GNL2: variants seen among roughly 807,000 people sequenced by gnomAD.
GNL2 encodes the protein nucleolar GTP-binding protein 2.
A neutral mutation model predicts 92.3 loss-of-function variants in GNL2; 51 were observed. The ratio of observed to expected loss-of-function variants is 0.55; its 90% CI spans 0.44 to 0.70. GNL2 has a LOEUF of 0.70. GNL2 is among the 30% of genes least tolerant of loss of function. GNL2 has a pLI of 0.00. For synonymous variants in GNL2, 283 were observed against 300.6 expected, an observed-to-expected ratio of 0.94 and a Z score of 0.61; for missense variants, 844 against 895.6, an observed-to-expected ratio of 0.94 and a Z score of 0.74.
chr1:37,587,264 C>T, intron 5 of GNL2, 47 bp downstream of exon 5: 4 of 1,223,298 alleles, frequency 3.3e-6, no homozygotes, highest in Non-Finnish European at 2.3e-6. Flanking sequence ...AAGACTCCAT[C>T]TCAAAAAAAA....
intron 1 of GNL2, among the ~76,000 whole-genome samples, chr1:37,595,433 C>T (rs1377048455): frequency 6.6e-6 from 1 of 152,204 alleles, no homozygotes; most frequent in Non-Finnish European, 1.5e-5. Context: ...GGTCAACCTA[C>T]ACCATTTTTA....
intron 8 of GNL2, chr1:37,581,602 A>C: frequency 2.2e-6 from 1 of 446,232 alleles, no homozygotes; most frequent in South Asian, 1.6e-5. Context: ...CTGAGCAAGA[A>C]AACACTTCAG....
chr1:37,569,264 T>A lies in GNL2; in HGVS notation c.1455A>T (p.Ala485=), dbSNP rs1274051724. The A allele has an allele frequency of 1.2e-6, 2 of 1,612,758 alleles. No individual in the cohort carries two copies. Residue 485 remains alanine (A), a synonymous_variant, in exon 13 of 16, where the codon GCA becomes GCT. Transcript: ENST00000373062. ...PSSSLEVVPE[A]AQNNPGEEVT... ...CTTCCTCCCCTGGATTGTTCTGGGC[T>A]GCTTCTGGGACAACTTCCAAAGATG...
rs1643895758 is a variant in GNL2, at chr1:37,592,791, T to C, written c.165A>G (p.Lys55=). The C allele has an allele frequency of 6.3e-7, 1 of 1,599,674 alleles. No homozygotes were observed. Among genetic ancestry groups the C allele is most frequent in the Non-Finnish European group, 8.6e-7 (1 of 1,166,850 alleles). ...RQKERRNSRG[K]IIKPLQYQST... The stretch of plus-strand genomic sequence containing the variant: ...ATTGATATTGCAGGGGTTTAATTAT[T>C]TTACCACGACTGTTCCTAAATTGAG... The change falls in exon 3 of 16, where the codon AAA becomes AAG. Residue 55 remains lysine, a synonymous_variant. Transcript: ENST00000373062.
intron 4 of GNL2, 60 bp downstream of exon 4, chr1:37,590,646 G>A: frequency 7.5e-7 from 1 of 1,339,398 alleles, no homozygotes; most frequent in Non-Finnish European, 1.1e-6. Flanking sequence ...ATATGTTAGA[G>A]AGGGATCTGC....
chr1:37,572,840 C>T (rs1406861391), intron 12 of GNL2, among the ~76,000 whole-genome samples: 3 of 152,156 alleles, frequency 2.0e-5, no homozygotes, highest in Non-Finnish European at 4.4e-5. Flanking sequence ...TAGTCCTTAA[C>T]TTGTGGGGTC....
In GNL2 at chr1:37,582,277, A is replaced by G. The variant is rs1389423147; in HGVS notation, c.855T>C (p.Leu285=). ...ATGCTCCCTTGCCAAACGGGTTAGT[A>G]AGGCTTGCATGGAAAGCAAGTGTTG... The part of the protein sequence containing the change: ...DYPTLAFHAS[L]TNPFGKGAFI... Residue 285 remains leucine, a synonymous_variant, in exon 8 of 16, where the codon CTT becomes CTC. Transcript: ENST00000373062. The G allele has an allele frequency of 3.1e-6, 5 of 1,613,360 alleles. No homozygotes were observed. The Admixed American group carries it at 6.7e-5, about 22-fold the overall frequency.
chr1:37,595,042 G>A (rs1643913117), intron 1 of GNL2, among the ~76,000 whole-genome samples: 1 of 152,182 alleles, frequency 6.6e-6, no homozygotes. Context: ...ATCTCTAAGG[G>A]CCTTTTGGGG....
chr1:37,582,920 T>A lies in GNL2; in HGVS notation c.653A>T (p.Asp218Val). 1 of 1,612,000 alleles carries A rather than the reference T, an allele frequency of 6.2e-7. No homozygotes were observed. Among genetic ancestry groups the A allele is most frequent in the South Asian group, 1.1e-5 (1 of 90,734 alleles). ...GELYKVIDSS[D>V]VVVQVLDARD... ...AGCATCAAGAACTTGAACTACAACA[T>A]CTGATGAATCTATCACCTGAAAATT... The change falls in exon 7 of 16, where the codon GAT becomes GTT. Residue 218 changes from aspartate to valine, a missense_variant. By Grantham distance (152) the Asp-to-Val change is radical. Coordinates refer to ENST00000373062, the MANE Select transcript of GNL2 (RefSeq NM_013285.3).
At chr1:37,570,909 ATGTAT>A (rs1408365135) in intron 12 of GNL2, 1 of 152,220 alleles carries the variant, frequency 6.6e-6, no homozygotes, top group Non-Finnish European at 1.5e-5. Flanking sequence ...GGTGTTTCAC[ATGTAT>A]AATATCATTT....
chr1:37,567,563 G>A (rs1005512621), intron 15 of GNL2, 110 bp downstream of exon 15: 40 of 787,648 alleles, frequency 5.1e-5, no homozygotes, highest in South Asian at 9.1e-5. Context: ...CTAGGTCAAC[G>A]AGGACTGGGG....
chr1:37,580,807 C>T (rs1308193316), intron 8 of GNL2, among the ~76,000 whole-genome samples: 1 of 152,100 alleles, frequency 6.6e-6, no homozygotes, highest in South Asian at 2.1e-4. Flanking sequence ...GTAACACTAG[C>T]GAAAATAAAA....
intron 7 of GNL2, 68 bp from the exon 8 acceptor site, chr1:37,582,404 G>T: frequency 1.1e-6 from 1 of 893,830 alleles, no homozygotes; most frequent in Non-Finnish European, 1.8e-6. Context: ...GGAAGAATCA[G>T]AGCTTGAATT....
At chr1:37,580,214 G>T (rs374477203) in intron 8 of GNL2, among the ~76,000 whole-genome samples, 1 of 152,126 alleles carries the variant, frequency 6.6e-6, no homozygotes, top group East Asian at 1.9e-4. Flanking sequence ...CAGGAGGATC[G>T]CTTGGGCCTA....
Position 37,575,533 on chromosome 1 carries a change from C to G in GNL2, c.1143+62G>C. Reference sequence around the variant, plus strand: ...TTAATAAGTAAAAAGGAAAGGTATCCAGGGTTCCCTATAGAACACTCCCCC... The same window carrying G: ...TTAATAAGTAAAAAGGAAAGGTATCGAGGGTTCCCTATAGAACACTCCCCC... On this transcript the variant is annotated intron_variant, in intron 10 of 15. Coordinates refer to ENST00000373062, the MANE Select transcript of GNL2 (RefSeq NM_013285.3). This position sits in a 1 kb window ranked among gnomAD's most constrained non-coding sequence, Gnocchi z 4.1. 1.1e-6 allele frequency: 1 copy of G among 945,592 alleles called. No homozygotes were observed. The highest frequency in any genetic ancestry group is 1.6e-6 in the Non-Finnish European group (1 of 639,956). The allele number at this position is 945,592 out of a possible 1,614,324, so 58.6% of individuals were successfully genotyped here.
intron 8 of GNL2, among the ~76,000 whole-genome samples, chr1:37,576,850 G>A (rs964503889): frequency 1.3e-5 from 2 of 152,158 alleles, no homozygotes; most frequent in East Asian, 3.9e-4. Context: ...AGTGGCTCAC[G>A]CCTGTAATCC....
chr1:37,595,423 G>A (rs1332954807), intron 1 of GNL2, among the ~76,000 whole-genome samples: 2 of 152,234 alleles, frequency 1.3e-5, no homozygotes, highest in Middle Eastern at 3.4e-3. Flanking sequence ...AGGCCCGAAG[G>A]GTCAACCTAC....
rs1263852300 is a variant in GNL2, at chr1:37,593,858, A to G, written c.65-12T>C. ...TCCCTGCACTCGATCTACAAAAGGC[A>G]GAAGTACACAGTGCACTATTTGATA... is the stretch of plus-strand genomic sequence containing the variant. On this transcript the variant is annotated splice_polypyrimidine_tract_variant and intron_variant, in intron 1 of 15. Coordinates refer to ENST00000373062, the MANE Select transcript of GNL2 (RefSeq NM_013285.3). The G allele has an allele frequency of 6.3e-7, 1 of 1,593,356 alleles. No individual in the cohort carries two copies. Among genetic ancestry groups the G allele is most frequent in the Admixed American group, 1.7e-5 (1 of 59,858 alleles).
chr1:37,587,630 G>T, intron 4 of GNL2, 135 bp from the exon 5 acceptor site: 1 of 526,656 alleles, frequency 1.9e-6, no homozygotes, highest in Non-Finnish European at 3.3e-6. Flanking sequence ...TGTAAGACAT[G>T]GTTTCAGTCT....
Sources: gnomAD v4.1 joint callset for allele counts (sites outside exome capture counted in the v4.1 genomes callset) on GRCh38, gnomAD v4.1.1 for gene constraint, Gnocchi (gnomAD v3.1) non-coding constraint, MANE v1.5 for transcripts, NCBI Gene and HGNC (gene_info 2026-07-23, HGNC 2026-07-21) for gene names.